DPH6: variants seen among roughly 807,000 people sequenced by gnomAD.
The protein encoded by DPH6 is diphthine--ammonia ligase.
DPH6 carries 33 observed loss-of-function variants against 38.2 expected under a neutral mutation model. The ratio of observed to expected loss-of-function variants is 0.86; its 90% CI spans 0.65 to 1.15. The LOEUF is 1.15. Among genes scored for constraint, DPH6 ranks in the 50% most tolerant of loss-of-function variants. DPH6 has a pLI of 0.00. For synonymous variants in DPH6, 108 were observed against 103.0 expected, an observed-to-expected ratio of 1.05 and a Z score of -0.30; for missense variants, 325 against 320.0, an observed-to-expected ratio of 1.02 and a Z score of -0.12.
At chr15:35,416,892 C>A (rs2053443103) in intron 5 of DPH6, among the ~76,000 whole-genome samples, 2 of 152,068 alleles carry the variant, frequency 1.3e-5, no homozygotes, top group Admixed American at 1.3e-4. Context: ...CCACCCTGAT[C>A]TTTGAGATCT....
intron 3 of DPH6, among the ~76,000 whole-genome samples, chr15:35,351,780 G>C (rs944234677): frequency 2.0e-5 from 3 of 150,116 alleles, no homozygotes; most frequent in Non-Finnish European, 1.5e-5. Context: ...GGAGTGCAGT[G>C]GTGCAATTAT....
intron 5 of DPH6, among the ~76,000 whole-genome samples, chr15:35,431,645 G>T (rs1203369182): frequency 6.6e-6 from 1 of 151,220 alleles, no homozygotes; most frequent in African/African-American, 2.4e-5. Context: ...CATAAGAAAG[G>T]AATCCATAAG....
intron 3 of DPH6, among the ~76,000 whole-genome samples, chr15:35,278,660 C>T (rs1456753787): frequency 6.6e-6 from 1 of 152,200 alleles, no homozygotes; most frequent in African/African-American, 2.4e-5. Context: ...TCTAACCCAT[C>T]AGAGCAGCCC....
chr15:35,514,284 C>CG (rs1364241142), intron 3 of DPH6, among the ~76,000 whole-genome samples: 2 of 151,994 alleles, frequency 1.3e-5, no homozygotes, highest in South Asian at 2.1e-4. Flanking sequence ...AGATGTATTA[C>CG]GCAAAATAGC....
chr15:35,367,679 A>G (rs1174017487), downstream of DPH6, among the ~76,000 whole-genome samples: 1 of 151,842 alleles, frequency 6.6e-6, no homozygotes, highest in Non-Finnish European at 1.5e-5. Flanking sequence ...ATTCATATAA[A>G]TAATTTAAAA....
chr15:35,304,652 AC>A (rs1193784787), intron 3 of DPH6, among the ~76,000 whole-genome samples: 3 of 152,182 alleles, frequency 2.0e-5, no homozygotes, highest in East Asian at 1.9e-4. Flanking sequence ...TCCTGTTTAT[AC>A]CCAGCATTAC....
chr15:35,260,974 T>G (rs2051742533), intron 3 of DPH6, among the ~76,000 whole-genome samples: 1 of 152,238 alleles, frequency 6.6e-6, no homozygotes, highest in African/African-American at 2.4e-5. Flanking sequence ...CATCACATTT[T>G]AACACCTACC....
chr15:35,171,836 A>G, the DPH6 span, among the ~76,000 whole-genome samples: 4 of 151,260 alleles, frequency 2.6e-5, no homozygotes, highest in Admixed American at 6.6e-5. Flanking sequence ...TAGCCTGAAA[A>G]TAGTATTTTA....
intron 3 of DPH6, among the ~76,000 whole-genome samples, chr15:35,306,930 C>CA (rs2052096784): frequency 6.6e-6 from 1 of 152,044 alleles, no homozygotes; most frequent in South Asian, 2.1e-4. Context: ...CCCTTAAGAA[C>CA]AAAGGCAGTT....
At chr15:35,520,218 TACAAAAAAAA>T in intron 3 of DPH6, 2 of 542,998 alleles carry the variant, frequency 3.7e-6, no homozygotes, top group South Asian at 9.9e-5. Flanking sequence ...GTAAACATGC[TACAAAAAAAA>T]ACAAAAAAAA....
intron 3 of DPH6, chr15:35,237,387 A>T: frequency 6.2e-6 from 10 of 1,603,904 alleles, no homozygotes; most frequent in Non-Finnish European, 7.7e-6. Context: ...GATGTGAAAG[A>T]ACTTGTCCTG....
intron 3 of DPH6, among the ~76,000 whole-genome samples, chr15:35,506,765 C>T (rs558702211): frequency 6.6e-6 from 1 of 152,266 alleles, no homozygotes; most frequent in Admixed American, 6.5e-5. Context: ...CTCAAGCAGT[C>T]ATTAACAATA....
chr15:35,523,802 G>A (rs980298174), intron 3 of DPH6, among the ~76,000 whole-genome samples: 1 of 152,048 alleles, frequency 6.6e-6, no homozygotes, highest in African/African-American at 2.4e-5. Flanking sequence ...ATTAAAATGT[G>A]TCACTTTTGA....
chr15:35,294,228 T>A (rs1021098991), intron 3 of DPH6, among the ~76,000 whole-genome samples: 1 of 152,186 alleles, frequency 6.6e-6, no homozygotes, highest in African/African-American at 2.4e-5. Flanking sequence ...CCTGAATCTA[T>A]CCTACTCCCT....
At chr15:35,533,487 G>A (rs1437453458) in intron 3 of DPH6, among the ~76,000 whole-genome samples, 1 of 151,954 alleles carries the variant, frequency 6.6e-6, no homozygotes, top group African/African-American at 2.4e-5. Flanking sequence ...CTAATTACAA[G>A]GTCCTGACTG....
At chr15:35,224,924 T>A (rs1318227295) in intron 3 of DPH6, among the ~76,000 whole-genome samples, 1 of 152,240 alleles carries the variant, frequency 6.6e-6, no homozygotes, top group Non-Finnish European at 1.5e-5. Flanking sequence ...GGTATACTTG[T>A]CAAGACTAAG....
At chr15:35,452,006 T>G (rs754010629) in intron 4 of DPH6, among the ~76,000 whole-genome samples, 59 of 152,050 alleles carry the variant, frequency 3.9e-4, no homozygotes, top group Non-Finnish European at 7.4e-4. Flanking sequence ...CGAGACTCTG[T>G]CTCAAAAAAC....
chr15:35,427,512 A>G (rs931708621), intron 5 of DPH6, among the ~76,000 whole-genome samples: 2 of 151,940 alleles, frequency 1.3e-5, no homozygotes, highest in African/African-American at 4.8e-5. Flanking sequence ...TACAGACCAG[A>G]GGCTCTCTTG....
chr15:35,279,858 T>A (rs561726068), intron 3 of DPH6, among the ~76,000 whole-genome samples: 1 of 152,180 alleles, frequency 6.6e-6, no homozygotes, highest in African/African-American at 2.4e-5. Context: ...TCAACGTGAC[T>A]GTATTTGGAG....
Sources: allele counts gnomAD v4.1 joint callset (sites outside exome capture counted in the v4.1 genomes callset), GRCh38; gene constraint gnomAD v4.1.1; transcripts MANE v1.5; gene names NCBI Gene and HGNC (gene_info 2026-07-23, HGNC 2026-07-21).